GNAL: variants seen among roughly 807,000 people sequenced by gnomAD.
GNAL encodes the protein guanine nucleotide-binding protein G(olf) subunit alpha.
In GNAL, 18 loss-of-function variants were observed where a neutral mutation model predicts 55.1. That is an observed-to-expected ratio of 0.33 (90% CI 0.23 to 0.48). The LOEUF is 0.48. GNAL is among the 20% of genes least tolerant of loss of function. The pLI is 0.99. For synonymous variants in GNAL, 253 were observed against 237.0 expected, an observed-to-expected ratio of 1.07 and a Z score of -0.62; for missense variants, 412 against 614.1, an observed-to-expected ratio of 0.67 and a Z score of 3.48.
chr18:11,771,044 G>C (rs1345013807), intron 4 of GNAL, among the ~76,000 whole-genome samples: 1 of 151,684 alleles, frequency 6.6e-6, no homozygotes, highest in Admixed American at 6.6e-5. Flanking sequence ...ATCAAACCCT[G>C]TCTCTACTAA....
At position 11,689,951 on chromosome 18, in the gene GNAL, C is replaced by G. The variant is rs935997043; in HGVS notation, c.376+12C>G. 2.4e-5 allele frequency: 31 copies of G among 1,280,542 alleles called. No individual in the cohort carries two copies. The highest frequency in any genetic ancestry group is 2.2e-4 in the Admixed American group (6 of 27,420). The allele number at this position is 1,280,542 out of a possible 1,614,324, so 79.3% of individuals were successfully genotyped here. On this transcript the variant is annotated intron_variant, in intron 1 of 11. Transcript: ENST00000334049. Reference sequence around the variant, plus strand: ...GCTCCTGCTGCTCGGTAGGTCCCGGCCGCGAGGTCGGCTGACGCCCCGGGG... The same window carrying G: ...GCTCCTGCTGCTCGGTAGGTCCCGGGCGCGAGGTCGGCTGACGCCCCGGGG...
At chr18:11,748,048 C>T (rs2032730977) in intron 1 of GNAL, among the ~76,000 whole-genome samples, 1 of 152,214 alleles carries the variant, frequency 6.6e-6, no homozygotes, top group African/African-American at 2.4e-5. Context: ...GCTGGTACAC[C>T]TGATGCTGAT....
intron 4 of GNAL, among the ~76,000 whole-genome samples, chr18:11,799,520 A>G (rs573430670): frequency 1.3e-5 from 2 of 152,306 alleles, no homozygotes; most frequent in East Asian, 1.9e-4. Flanking sequence ...TGACACACCC[A>G]TAGTTATTAC....
chr18:11,821,352 C>G (rs537676958), intron 4 of GNAL, among the ~76,000 whole-genome samples: 13 of 152,230 alleles, frequency 8.5e-5, no homozygotes, highest in African/African-American at 2.6e-4. Context: ...AAAACACAGG[C>G]AGTGGAATAA....
chr18:11,785,939 TAAAGTG>T (rs1473864772), intron 4 of GNAL, among the ~76,000 whole-genome samples: 1 of 152,168 alleles, frequency 6.6e-6, no homozygotes, highest in Non-Finnish European at 1.5e-5. Flanking sequence ...AGAAAATTAT[TAAAGTG>T]AAAGAAAATG....
At chr18:11,867,435 T>C (rs911592571) in intron 8 of GNAL, among the ~76,000 whole-genome samples, 2 of 152,058 alleles carry the variant, frequency 1.3e-5, no homozygotes, top group African/African-American at 4.8e-5. Context: ...TCCCAGCACC[T>C]TGGGAGGCCA....
chr18:11,802,882 G>A (rs1350948858), intron 4 of GNAL, among the ~76,000 whole-genome samples: 1 of 152,148 alleles, frequency 6.6e-6, no homozygotes, highest in East Asian at 1.9e-4. Flanking sequence ...GTGGCCCAAG[G>A]AGGCAGGCTC....
chr18:11,883,297 C>G lies in GNAL; in HGVS notation c.*2162C>G, dbSNP rs1254009412. 3 of 152,244 alleles carry G rather than the reference C, an allele frequency of 2.0e-5. No individual in the cohort carries two copies. The highest frequency in any genetic ancestry group is 4.4e-5 in the Non-Finnish European group (3 of 68,034). The allele number at this position is 152,244 out of a possible 1,614,324, so 9.4% of individuals were successfully genotyped here. On this transcript the variant is annotated 3_prime_UTR_variant, in exon 12 of 12. Transcript: ENST00000334049. ...TACAATGGAAATTATTTTCAGTTCC[C>G]CTTGCACTGTCAAAGTAAAACAAGA...
intron 4 of GNAL, among the ~76,000 whole-genome samples, chr18:11,805,897 T>C (rs1242675574): frequency 6.6e-6 from 1 of 152,238 alleles, no homozygotes; most frequent in Non-Finnish European, 1.5e-5. Flanking sequence ...ATGGTAGTTC[T>C]ATTTTTGATT....
At chr18:11,710,705 T>A (rs1291399037) in intron 1 of GNAL, among the ~76,000 whole-genome samples, 3 of 152,094 alleles carry the variant, frequency 2.0e-5, no homozygotes, top group Admixed American at 2.0e-4. Context: ...TTTTAGAACG[T>A]TGAATATATC....
At chr18:11,707,241 C>T (rs777020742) in intron 1 of GNAL, among the ~76,000 whole-genome samples, 1 of 152,156 alleles carries the variant, frequency 6.6e-6, no homozygotes, top group Non-Finnish European at 1.5e-5. Context: ...GCACTTATAG[C>T]GCTATGAAAC....
chr18:11,801,321 C>CCA (rs2034515855), intron 4 of GNAL, among the ~76,000 whole-genome samples: 1 of 152,136 alleles, frequency 6.6e-6, no homozygotes, highest in Non-Finnish European at 1.5e-5. Context: ...GAGGCCAAGG[C>CCA]AGGTGGATCA....
At chr18:11,761,459 G>C (rs1243680745) in intron 4 of GNAL, among the ~76,000 whole-genome samples, 1 of 152,116 alleles carries the variant, frequency 6.6e-6, no homozygotes, top group Non-Finnish European at 1.5e-5. Context: ...AGGCCCCAGA[G>C]CTCGGCTCTC....
Position 11,689,282 on chromosome 18 carries a change from G to A in GNAL, c.-282G>A. 3.5e-6 allele frequency: 1 copy of A among 284,864 alleles called. No individual in the cohort carries two copies. Among genetic ancestry groups the A allele is most frequent in the Non-Finnish European group, 6.5e-6 (1 of 153,346 alleles). 17.6% of individuals were successfully genotyped at this position (284,864 alleles called of 1,614,324 possible). A position where few individuals can be genotyped will look rare whatever the true frequency, so the allele number is the denominator to read the frequency against. On this transcript the variant is annotated 5_prime_UTR_variant, in exon 1 of 12. Coordinates refer to ENST00000334049, the MANE Select transcript of GNAL (RefSeq NM_182978.4). ...GAGGCCCGTCGGTTCGGTCCGCTCT[G>A]GGCGTTAGCAAGTGATCTCCAGCCA...
intron 1 of GNAL, among the ~76,000 whole-genome samples, chr18:11,697,440 C>A (rs952150906): frequency 1.3e-5 from 2 of 152,052 alleles, no homozygotes; most frequent in Admixed American, 6.5e-5. Context: ...TGCCTGTAAT[C>A]CCAGCTTCTC....
At chr18:11,825,447 A>G (rs2035215023) in intron 5 of GNAL, among the ~76,000 whole-genome samples, 1 of 152,148 alleles carries the variant, frequency 6.6e-6, no homozygotes, top group African/African-American at 2.4e-5. Flanking sequence ...AGTATACCAG[A>G]AGGCTGGGCC....
chr18:11,764,353 C>T (rs994982238), intron 4 of GNAL, among the ~76,000 whole-genome samples: 5 of 152,116 alleles, frequency 3.3e-5, no homozygotes, highest in African/African-American at 1.2e-4. Flanking sequence ...GTAATCCGCC[C>T]ACCTTGACCT....
At chr18:11,852,024 C>A in intron 5 of GNAL, 1 of 1,613,778 alleles carries the variant, frequency 6.2e-7, no homozygotes. Flanking sequence ...TGCCGCAGGG[C>A]CAGACCGGCT....
intron 8 of GNAL, among the ~76,000 whole-genome samples, chr18:11,867,616 C>G (rs1190978284): frequency 1.3e-5 from 2 of 150,794 alleles, no homozygotes; most frequent in Non-Finnish European, 2.9e-5. Flanking sequence ...AGATCGAGAC[C>G]ATCCTGGCTA....
Sources: gnomAD v4.1 joint callset for allele counts (sites outside exome capture counted in the v4.1 genomes callset) on GRCh38, gnomAD v4.1.1 for gene constraint, MANE v1.5 for transcripts, NCBI Gene and HGNC (gene_info 2026-07-23, HGNC 2026-07-21) for gene names.